Variants in OPRM1 observed in about 807,000 individuals in gnomAD.
The protein encoded by OPRM1 is opioid receptor mu 1, also known as mu-type opioid receptor.
OPRM1 carries 27 observed loss-of-function variants against 31.8 expected under a neutral mutation model. The observed-to-expected ratio is 0.85, with a 90% confidence interval of 0.63 to 1.17. OPRM1 has a LOEUF of 1.17. OPRM1 is among the 50% of genes most tolerant of loss of function. OPRM1 has a pLI of 0.00. For missense variants in OPRM1, 536 were observed against 511.1 expected, an observed-to-expected ratio of 1.05 and a Z score of -0.47; for synonymous variants, 196 against 189.9, an observed-to-expected ratio of 1.03 and a Z score of -0.26.
At chr6:154,134,362 G>A (rs751782360), downstream of OPRM1, among the ~76,000 whole-genome samples, 1 of 152,122 alleles carries the variant, frequency 6.6e-6, no homozygotes, top group Non-Finnish European at 1.5e-5. Context: ...CTGATGCATC[G>A]ACATTCAATC....
chr6:154,243,809 C>T (rs1443632421), intron 3 of OPRM1, among the ~76,000 whole-genome samples: 2 of 152,176 alleles, frequency 1.3e-5, no homozygotes, highest in Non-Finnish European at 2.9e-5. Flanking sequence ...TGACTTGGGA[C>T]AATTGACGCA....
chr6:154,172,827 C>T (rs139324194), intron 3 of OPRM1, among the ~76,000 whole-genome samples: 315 of 152,356 alleles, frequency 2.1e-3, no homozygotes, highest in African/African-American at 6.9e-3. Flanking sequence ...GCACGGCATT[C>T]GATCTCTGAT....
At chr6:154,146,733 C>A (rs769767886) in intron 3 of OPRM1, among the ~76,000 whole-genome samples, 2 of 152,082 alleles carry the variant, frequency 1.3e-5, no homozygotes, top group Non-Finnish European at 2.9e-5. Context: ...CCCTGGGTAC[C>A]TTTATGAGCA....
intron 3 of OPRM1, among the ~76,000 whole-genome samples, chr6:154,219,555 A>G (rs900752953): frequency 3.3e-5 from 5 of 152,162 alleles, no homozygotes; most frequent in Non-Finnish European, 5.9e-5. Flanking sequence ...TCCAAGTGCT[A>G]GCGGGCGAGA....
intron 3 of OPRM1, among the ~76,000 whole-genome samples, chr6:154,151,091 G>C (rs937480382): frequency 4.6e-5 from 7 of 152,204 alleles, no homozygotes; most frequent in Non-Finnish European, 1.5e-5. Context: ...CAGACCACAG[G>C]AGGTGTTGTC....
intron 3 of OPRM1, chr6:154,093,416 C>G: frequency 6.2e-7 from 1 of 1,614,126 alleles, no homozygotes; most frequent in South Asian, 1.1e-5. Context: ...CTGCTCCCAG[C>G]CCGTCTGGTG....
intron 1 of OPRM1, among the ~76,000 whole-genome samples, chr6:154,011,683 G>A (rs1315269130): frequency 1.3e-5 from 2 of 152,090 alleles, no homozygotes; most frequent in African/African-American, 2.4e-5. Flanking sequence ...CACTTTATTT[G>A]TGTGTAGACT....
At chr6:154,051,634 C>A (rs1583240081) in intron 1 of OPRM1, among the ~76,000 whole-genome samples, 1 of 152,176 alleles carries the variant, frequency 6.6e-6, no homozygotes, top group East Asian at 1.9e-4. Flanking sequence ...TGAGAACCAT[C>A]TCATGCCAGT....
intron 3 of OPRM1, chr6:154,212,863 A>C (rs773340844): frequency 6.3e-7 from 1 of 1,588,806 alleles, no homozygotes; most frequent in South Asian, 1.1e-5. Flanking sequence ...ATTCTATAAC[A>C]AAAATGAAAA....
intron 3 of OPRM1, chr6:154,223,050 A>C: frequency 1.2e-6 from 1 of 807,472 alleles, no homozygotes; most frequent in East Asian, 2.6e-5. Context: ...ATAATGCTTC[A>C]AATTCTCAGA....
At chr6:154,028,670 G>T (rs995269258) in intron 1 of OPRM1, among the ~76,000 whole-genome samples, 1 of 152,152 alleles carries the variant, frequency 6.6e-6, no homozygotes, top group Admixed American at 6.5e-5. Context: ...GCTAGGGCTG[G>T]GTTAAATGCT....
At position 154,218,310 on chromosome 6, in the gene OPRM1, G is replaced by A. The variant is rs545995907; in HGVS notation, c.1165-28383G>A. On this transcript the variant is annotated intron_variant, in intron 3 of 3. Transcript: ENST00000337049. The stretch of plus-strand genomic sequence containing the variant: ...ACAGTGTCTGAGAAAGGCAGCTCCC[G>A]TCTTTGCTGAGAAACGAACTCTTTC... 5.9e-5 allele frequency among the ~76,000 whole-genome samples: 9 copies of A among 152,312 alleles called. No individual in the cohort carries two copies. In the South Asian group the frequency reaches 1.5e-3, roughly 25 times the overall value.
At chr6:154,058,728 C>T (rs986485625) in intron 1 of OPRM1, among the ~76,000 whole-genome samples, 6 of 152,088 alleles carry the variant, frequency 3.9e-5, no homozygotes, top group Non-Finnish European at 5.9e-5. Flanking sequence ...TCATCATCAC[C>T]GTCTTCATTA....
At chr6:154,226,297 G>A (rs1779245939) in intron 3 of OPRM1, among the ~76,000 whole-genome samples, 1 of 152,188 alleles carries the variant, frequency 6.6e-6, no homozygotes, top group Admixed American at 6.5e-5. Flanking sequence ...TGGAGCTCCT[G>A]TCCCAGATTT....
chr6:154,243,323 T>A (rs1321555115), intron 3 of OPRM1, among the ~76,000 whole-genome samples: 2 of 152,188 alleles, frequency 1.3e-5, no homozygotes, highest in African/African-American at 4.8e-5. Flanking sequence ...TAAACTTGCA[T>A]ATGGTTTTGT....
chr6:154,166,314 G>T (rs544954873), intron 3 of OPRM1, among the ~76,000 whole-genome samples: 1 of 152,208 alleles, frequency 6.6e-6, no homozygotes, highest in Non-Finnish European at 1.5e-5. Flanking sequence ...GCATGGTGCC[G>T]TAAAGATCTA....
chr6:154,231,868 C>T (rs1024645164), intron 3 of OPRM1, among the ~76,000 whole-genome samples: 10 of 152,002 alleles, frequency 6.6e-5, no homozygotes, highest in Non-Finnish European at 8.8e-5. Flanking sequence ...AAGCAATTCT[C>T]GAAATTAAAA....
At chr6:154,198,785 G>A (rs1776839712) in intron 3 of OPRM1, among the ~76,000 whole-genome samples, 1 of 152,088 alleles carries the variant, frequency 6.6e-6, no homozygotes, top group Admixed American at 6.5e-5. Context: ...TAGAGGAGAG[G>A]AGAGAGCAGT....
chr6:154,060,309 C>T (rs183829008), intron 1 of OPRM1, among the ~76,000 whole-genome samples: 5 of 152,234 alleles, frequency 3.3e-5, no homozygotes, highest in Admixed American at 2.6e-4. Flanking sequence ...CCAGGCATGT[C>T]GGTGGTACTC....
Sources: allele counts gnomAD v4.1 joint callset (sites outside exome capture counted in the v4.1 genomes callset), GRCh38; gene constraint gnomAD v4.1.1; transcripts MANE v1.5; gene names NCBI Gene and HGNC (gene_info 2026-07-23, HGNC 2026-07-21).